The following CRIM1 variants were observed in gnomAD, a reference collection of about 807,000 sequenced individuals.
The protein encoded by CRIM1 is cysteine rich transmembrane BMP regulator 1, also known as cysteine-rich motor neuron 1 protein.
A neutral mutation model predicts 116.4 loss-of-function variants in CRIM1; 32 were observed. The ratio of observed to expected loss-of-function variants is 0.27; its 90% CI spans 0.21 to 0.37. The LOEUF is 0.37. Among genes scored for constraint, CRIM1 ranks in the 10% least tolerant of loss-of-function variants. The pLI, the probability that CRIM1 is intolerant of heterozygous loss-of-function variation, is 1.00. For missense variants in CRIM1, 1,331 were observed against 1,354.8 expected (o/e 0.98, Z 0.28); for synonymous variants, 590 against 509.2 (o/e 1.16, Z -2.13).
At chr2:36,447,282 T>C (rs992297977) in intron 4 of CRIM1, among the ~76,000 whole-genome samples, 1 of 152,184 alleles carries the variant, frequency 6.6e-6, no homozygotes, top group Non-Finnish European at 1.5e-5. Flanking sequence ...CACTGGAGCT[T>C]TTTTGATAAC....
chr2:36,499,311 G>T lies in CRIM1; in HGVS notation c.1465G>T (p.Asp489Tyr), dbSNP rs374553015. ...GGACTGCATTAATGGTTTCAAACGC[G>T]ATCACAATGGTTGTCGGACCTGTCA... ...GKDCINGFKRDHNGCRTCQCI... is the reference protein window; with the variant it reads ...GKDCINGFKRYHNGCRTCQCI... The change falls in exon 8 of 17, where the codon GAT becomes TAT. Residue 489 changes from aspartate (D) to tyrosine (Y), a missense_variant. Transcript: ENST00000280527. 1 of 1,613,944 alleles carries T rather than the reference G, an allele frequency of 6.2e-7. No homozygotes were observed. The highest frequency in any genetic ancestry group is 1.3e-5 in the African/African-American group (1 of 74,906).
intron 13 of CRIM1, among the ~76,000 whole-genome samples, chr2:36,531,148 C>T (rs957454065): frequency 2.6e-5 from 4 of 152,166 alleles, no homozygotes; most frequent in South Asian, 4.1e-4. Flanking sequence ...CTAAATAGTA[C>T]GCAGGAGATT....
intron 2 of CRIM1, among the ~76,000 whole-genome samples, chr2:36,425,499 T>C (rs562543682): frequency 6.6e-6 from 1 of 152,372 alleles, no homozygotes; most frequent in South Asian, 2.1e-4. Flanking sequence ...TACTTTTAAA[T>C]TATTATTGGA....
At chr2:36,393,064 GA>G (rs1457018187) in intron 1 of CRIM1, among the ~76,000 whole-genome samples, 1 of 152,230 alleles carries the variant, frequency 6.6e-6, no homozygotes, top group Admixed American at 6.5e-5. Flanking sequence ...AGATTTGAGG[GA>G]AATGGTCTTC....
chr2:36,392,393 G>T (rs1192212869), intron 1 of CRIM1, among the ~76,000 whole-genome samples: 2 of 151,928 alleles, frequency 1.3e-5, no homozygotes, highest in Non-Finnish European at 2.9e-5. Context: ...GTCACATTTA[G>T]GGTACCAGGA....
At chr2:36,410,273 T>A (rs557204573) in intron 2 of CRIM1, among the ~76,000 whole-genome samples, 18 of 152,224 alleles carry the variant, frequency 1.2e-4, no homozygotes, top group Non-Finnish European at 2.2e-4. Context: ...TGGGATTTTT[T>A]TTTCAATTTC....
intron 11 of CRIM1, among the ~76,000 whole-genome samples, chr2:36,514,529 A>G (rs1664908491): frequency 6.6e-6 from 1 of 152,242 alleles, no homozygotes; most frequent in South Asian, 2.1e-4. Context: ...AGACACAGAA[A>G]GATTGACTGT....
chr2:36,483,474 T>C (rs1679577752), intron 7 of CRIM1, among the ~76,000 whole-genome samples: 1 of 152,186 alleles, frequency 6.6e-6, no homozygotes, highest in East Asian at 1.9e-4. Flanking sequence ...GTATGGGTGC[T>C]GTCATCCCAG....
At chr2:36,387,488 G>A in intron 1 of CRIM1, among the ~76,000 whole-genome samples, 1 of 152,262 alleles carries the variant, frequency 6.6e-6, no homozygotes, top group East Asian at 1.9e-4. Flanking sequence ...GGCTGATCTA[G>A]CACAGCACAA....
intron 13 of CRIM1, among the ~76,000 whole-genome samples, chr2:36,536,330 C>G (rs1260309175): frequency 6.8e-6 from 1 of 147,768 alleles, no homozygotes. Flanking sequence ...CTGGGGACGA[C>G]TGCCTTCCTA....
intron 1 of CRIM1, chr2:36,379,345 C>T (rs1403721813): frequency 6.6e-6 from 1 of 152,176 alleles, no homozygotes; most frequent in African/African-American, 2.4e-5. Flanking sequence ...GTTTCTCTCA[C>T]CCAAACTGAA....
Position 36,548,733 on chromosome 2 carries a change from CG to C in CRIM1, c.*34del, listed in dbSNP as rs1352602011. ...GCAACTAGGATGAGGTTTCAAAAGACGGAAGACGACTAAATCTGCTCTAAAA... is the reference window on the plus strand; with the variant it reads ...GCAACTAGGATGAGGTTTCAAAAGACGAAGACGACTAAATCTGCTCTAAAA... On this transcript the variant is annotated 3_prime_UTR_variant, in exon 17 of 17. Transcript: ENST00000280527. The C allele has an allele frequency of 5.9e-6, 9 of 1,525,620 alleles. No individual in the cohort carries two copies. The highest frequency in any genetic ancestry group is 1.4e-5 in the African/African-American group (1 of 71,480). 94.5% of individuals were successfully genotyped at this position (1,525,620 alleles called of 1,614,324 possible). A position where few individuals can be genotyped will look rare whatever the true frequency, so the allele number is the denominator to read the frequency against.
At chr2:36,402,410 A>C (rs548070212) in intron 2 of CRIM1, among the ~76,000 whole-genome samples, 1 of 142,618 alleles carries the variant, frequency 7.0e-6, no homozygotes, top group South Asian at 2.5e-4. Flanking sequence ...GGTGTGTTGA[A>C]GGACTAGCAA....
intron 8 of CRIM1, among the ~76,000 whole-genome samples, chr2:36,509,500 C>T (rs996549967): frequency 6.6e-6 from 1 of 152,076 alleles, no homozygotes; most frequent in African/African-American, 2.4e-5. Context: ...GTACTCCAGT[C>T]TAAATGACAG....
chr2:36,403,928 C>A (rs1672599064), intron 2 of CRIM1, among the ~76,000 whole-genome samples: 1 of 152,082 alleles, frequency 6.6e-6, no homozygotes, highest in South Asian at 2.1e-4. Context: ...TTATGAGTCA[C>A]CCTCTGAGGG....
intron 2 of CRIM1, among the ~76,000 whole-genome samples, chr2:36,407,255 G>A (rs979812904): frequency 6.6e-6 from 1 of 152,042 alleles, no homozygotes; most frequent in African/African-American, 2.4e-5. Context: ...ATATTCGTGT[G>A]TATGTATATG....
At chr2:36,375,116 A>G (rs922610618) in intron 1 of CRIM1, among the ~76,000 whole-genome samples, 1 of 151,944 alleles carries the variant, frequency 6.6e-6, no homozygotes, top group Non-Finnish European at 1.5e-5. Flanking sequence ...TGCAACTTGT[A>G]TGCTTTGCAT....
rs1019001040 is a variant in CRIM1 at position 36,550,898 on chromosome 2, T to A, written c.*2197T>A. ...GGATATAGGACAAGGTGTAAATTTTTTTATTATTATTTTAAAGATATGATT... is the reference window on the plus strand; with the variant it reads ...GGATATAGGACAAGGTGTAAATTTTATTATTATTATTTTAAAGATATGATT... On this transcript the variant is annotated 3_prime_UTR_variant, in exon 17 of 17. Coordinates refer to ENST00000280527, the MANE Select transcript of CRIM1 (RefSeq NM_016441.3). 3.3e-5 allele frequency: 5 copies of A among 152,566 alleles called. No individual in the cohort carries two copies. The highest frequency in any genetic ancestry group is 1.9e-4 in the East Asian group (1 of 5,200). The allele number at this position is 152,566 out of a possible 1,614,324, so 9.5% of individuals were successfully genotyped here. A position where few individuals can be genotyped will look rare whatever the true frequency, so the allele number is the denominator to read the frequency against.
chr2:36,515,767 G>A (rs1414157680), intron 11 of CRIM1, among the ~76,000 whole-genome samples: 2 of 152,180 alleles, frequency 1.3e-5, no homozygotes, highest in African/African-American at 2.4e-5. Flanking sequence ...CTGCAAACAC[G>A]CACGTCAGAT....
Sources: allele counts gnomAD v4.1 joint callset (sites outside exome capture counted in the v4.1 genomes callset), GRCh38; gene constraint gnomAD v4.1.1; transcripts MANE v1.5; gene names NCBI Gene and HGNC (gene_info 2026-07-23, HGNC 2026-07-21).